HDAC9: variants seen among roughly 807,000 people sequenced by gnomAD.
The protein encoded by HDAC9 is MEF-2 interacting transcription repressor (MITR) protein.
HDAC9 carries 41 observed loss-of-function variants against 139.4 expected under a neutral mutation model. That is an observed-to-expected ratio of 0.29 (90% confidence interval 0.23 to 0.38). The LOEUF is 0.38. Among genes scored for constraint, HDAC9 ranks in the 10% least tolerant of loss-of-function variants. The probability of loss-of-function intolerance (pLI) is 1.00; values close to 1 mark genes in which losing one functional copy is unlikely to be tolerated. For missense variants in HDAC9, 1,147 were observed against 1,297.0 expected, an observed-to-expected ratio of 0.88 and a Z score of 1.78; for synonymous variants, 517 against 476.2, an observed-to-expected ratio of 1.09 and a Z score of -1.12.
chr7:18,467,796 C>T (rs1012155088), intron 1 of HDAC9, among the ~76,000 whole-genome samples: 1 of 152,084 alleles, frequency 6.6e-6, no homozygotes, highest in Non-Finnish European at 1.5e-5. Context: ...TAATAGTTTT[C>T]CCCTTGTGTC....
intron 25 of HDAC9, among the ~76,000 whole-genome samples, chr7:18,976,604 A>T (rs1486529401): frequency 1.3e-5 from 2 of 152,162 alleles, no homozygotes; most frequent in African/African-American, 4.8e-5. Context: ...AAATACAGTG[A>T]AACTAAGATT....
At chr7:18,219,384 A>C (rs1413542040) in intron 2 of HDAC9, among the ~76,000 whole-genome samples, 1 of 152,192 alleles carries the variant, frequency 6.6e-6, no homozygotes, top group Non-Finnish European at 1.5e-5. Flanking sequence ...TAACTTAAGC[A>C]CTTTCAAAAT....
rs959859042 is a variant in HDAC9, at chr7:18,509,290, CT to C, written c.22+12968del. 1.3e-5 allele frequency: 13 copies of C among 985,238 alleles called. No homozygotes were observed. In the African/African-American group the frequency reaches 2.1e-4, roughly 16 times the overall value. The allele number at this position is 985,238 out of a possible 1,614,324, so 61.0% of individuals were successfully genotyped here. A position where few individuals can be genotyped will look rare whatever the true frequency, so the allele number is the denominator to read the frequency against. Reference sequence around the variant, plus strand: ...ATTTTAATCTCCACTTAACTTCTGCCTTGTGGAAGGGGTGGGGAAGCCTTTA... The same window carrying C: ...ATTTTAATCTCCACTTAACTTCTGCCTGTGGAAGGGGTGGGGAAGCCTTTA... On this transcript the variant is annotated intron_variant, in intron 2 of 25. Coordinates refer to ENST00000686413, the MANE Select transcript of HDAC9 (RefSeq NM_178425.4).
At chr7:18,528,857 C>T (rs1010233427) in intron 2 of HDAC9, among the ~76,000 whole-genome samples, 35 of 152,092 alleles carry the variant, frequency 2.3e-4, no homozygotes, top group Middle Eastern at 6.3e-3. Flanking sequence ...TTAACAATTT[C>T]CTGCCCAGTC....
rs188707609 is a variant in HDAC9, at chr7:18,239,474, A to G, written c.25+77125A>G. ...GGCCATAGGTTTCGTTTTGATGTAC[A>G]TAAAAGCTGACCAAGGACTTTGTGA... On this transcript the variant is annotated intron_variant, in intron 2 of 12. Transcript: ENST00000417496. Among the ~76,000 whole-genome samples the G allele has an allele frequency of 6.4e-4, 98 of 152,302 alleles. 2 individuals carry two copies. The highest frequency in any genetic ancestry group is 6.8e-3 in the Middle Eastern group (2 of 294).
intron 14 of HDAC9, among the ~76,000 whole-genome samples, chr7:18,759,088 G>A (rs1174629628): frequency 6.6e-6 from 1 of 152,168 alleles, no homozygotes; most frequent in African/African-American, 2.4e-5. Context: ...GGGGCCTAGA[G>A]TATAACTAGC....
At chr7:18,983,582 T>C (rs1397233291) in intron 25 of HDAC9, among the ~76,000 whole-genome samples, 5 of 152,306 alleles carry the variant, frequency 3.3e-5, no homozygotes, top group Non-Finnish European at 7.4e-5. Context: ...CACTCAGTTT[T>C]TTTGGATAGA....
Position 18,975,853 on chromosome 7 carries a change from G to A in HDAC9, c.3070G>A (p.Ala1024Thr), listed in dbSNP as rs2129337793. 1.2e-6 allele frequency: 2 copies of A among 1,613,904 alleles called. No individual in the cohort carries two copies. Among genetic ancestry groups the A allele is most frequent in the Non-Finnish European group, 1.7e-6 (2 of 1,179,834 alleles). The change falls in exon 25 of 26, where the codon GCT (alanine) becomes ACT (threonine). Residue 1024 changes from alanine (A) to threonine (T), a missense_variant. By Grantham distance (58) the Ala-to-Thr change is moderately conservative. This residue lies in a region of HDAC9 where 407 missense variants were observed against 521.5 expected (regional missense o/e 0.78). Coordinates refer to ENST00000686413, the MANE Select transcript of HDAC9 (RefSeq NM_178425.4). The stretch of plus-strand genomic sequence containing the variant: ...GATGGTGGCTGTGCCAAGGGGCTGT[G>A]CTCTGGCTGGTGCTCAGTTGCAAGA... ...VRMVAVPRGCALAGAQLQEET... is the reference protein window; with the variant it reads ...VRMVAVPRGCTLAGAQLQEET...
At chr7:18,799,533 T>G (rs1793109435) in intron 17 of HDAC9, among the ~76,000 whole-genome samples, 1 of 152,204 alleles carries the variant, frequency 6.6e-6, no homozygotes, top group African/African-American at 2.4e-5. Context: ...GTCTAAAGAT[T>G]GTATGAGGAT....
chr7:18,835,060 G>A (rs1289188563), intron 19 of HDAC9, among the ~76,000 whole-genome samples: 1 of 152,118 alleles, frequency 6.6e-6, no homozygotes, highest in African/African-American at 2.4e-5. Flanking sequence ...ATGAACTGTT[G>A]GCAGTTAATA....
chr7:18,865,789 T>C (rs1464368691), intron 21 of HDAC9, among the ~76,000 whole-genome samples: 2 of 152,156 alleles, frequency 1.3e-5, no homozygotes, highest in Non-Finnish European at 2.9e-5. Flanking sequence ...AATGTGCATT[T>C]TTGTTTTTGC....
Position 18,503,492 on chromosome 7 carries a change from A to G in HDAC9, c.22+7168A>G, listed in dbSNP as rs148752879. Among the ~76,000 whole-genome samples the G allele has an allele frequency of 3.8e-4, 58 of 152,368 alleles. No individual in the cohort carries two copies. In the East Asian group the frequency reaches 9.6e-3, roughly 25 times the overall value. On this transcript the variant is annotated intron_variant, in intron 2 of 25. Coordinates refer to ENST00000686413, the MANE Select transcript of HDAC9 (RefSeq NM_178425.4). Reference sequence around the variant, plus strand: ...CTCTGAGTTGCTATGATTCATGAATATAAGAATAAATACTTCTTGTGTTTT... The same window carrying G: ...CTCTGAGTTGCTATGATTCATGAATGTAAGAATAAATACTTCTTGTGTTTT...
chr7:18,226,787 A>G (rs1412253922), intron 2 of HDAC9, among the ~76,000 whole-genome samples: 2 of 152,260 alleles, frequency 1.3e-5, no homozygotes, highest in Admixed American at 6.5e-5. Flanking sequence ...GCTAAGAGAC[A>G]GAATCTGGAG....
intron 1 of HDAC9, among the ~76,000 whole-genome samples, chr7:18,306,129 G>A (rs947000138): frequency 2.0e-4 from 31 of 152,180 alleles, no homozygotes; most frequent in African/African-American, 6.8e-4. Flanking sequence ...GGTGTGCTAG[G>A]TAACTAAAGC....
intron 6 of HDAC9, among the ~76,000 whole-genome samples, chr7:18,597,324 A>C (rs1319684212): frequency 2.6e-5 from 4 of 152,184 alleles, no homozygotes; most frequent in Non-Finnish European, 5.9e-5. Flanking sequence ...CCACACTTAA[A>C]GTAGTACTTC....
intron 12 of HDAC9, among the ~76,000 whole-genome samples, chr7:18,676,348 C>T (rs977689075): frequency 6.6e-6 from 1 of 151,788 alleles, no homozygotes; most frequent in African/African-American, 2.4e-5. Flanking sequence ...CTTCCCCCCT[C>T]CCCCACCTAC....
intron 1 of HDAC9, among the ~76,000 whole-genome samples, chr7:18,088,429 C>G (rs1287592681): frequency 6.6e-6 from 1 of 151,894 alleles, no homozygotes; most frequent in Admixed American, 6.6e-5. Flanking sequence ...CAGGCACTGT[C>G]GAAATCTGGA....
chr7:18,689,661 G>A (rs1183702815), intron 12 of HDAC9, among the ~76,000 whole-genome samples: 1 of 151,938 alleles, frequency 6.6e-6, no homozygotes, highest in East Asian at 1.9e-4. Context: ...GTAGCAACAA[G>A]GCCTAGTGCT....
intron 16 of HDAC9, among the ~76,000 whole-genome samples, chr7:18,771,874 A>T (rs1174159191): frequency 6.6e-6 from 1 of 152,190 alleles, no homozygotes; most frequent in Non-Finnish European, 1.5e-5. Flanking sequence ...TAGGATGGTC[A>T]TCTTTGAAAC....
Sources: gnomAD v4.1 joint callset for allele counts (sites outside exome capture counted in the v4.1 genomes callset) on GRCh38, gnomAD v4.1.1 for gene constraint, gnomAD v4.1.1 regional missense constraint, MANE v1.5 for transcripts, NCBI Gene and HGNC (gene_info 2026-07-23, HGNC 2026-07-21) for gene names.